Variants in KCNH7 observed in about 807,000 individuals in gnomAD.
The protein encoded by KCNH7 is potassium voltage-gated channel subfamily H member 7.
A neutral mutation model predicts 120.8 loss-of-function variants in KCNH7; 49 were observed. That is an observed-to-expected ratio of 0.41 (90% CI 0.32 to 0.51). The LOEUF (loss-of-function observed/expected upper bound fraction) is 0.51, where lower values mean the gene tolerates loss of function less well. Among genes scored for constraint, KCNH7 ranks in the 20% least tolerant of loss-of-function variants. The probability of loss-of-function intolerance (pLI) is 0.38; values close to 1 mark genes in which losing one functional copy is unlikely to be tolerated. For missense variants in KCNH7, 1,097 were observed against 1,446.6 expected, an observed-to-expected ratio of 0.76 and a Z score of 3.92; for synonymous variants, 547 against 516.1, an observed-to-expected ratio of 1.06 and a Z score of -0.81.
At chr2:162,667,146 A>T (rs2105288963) in intron 2 of KCNH7, among the ~76,000 whole-genome samples, 1 of 151,126 alleles carries the variant, frequency 6.6e-6, no homozygotes, top group South Asian at 2.1e-4. Context: ...CAGCCTCCTG[A>T]GTAGCTGGGA....
chr2:162,570,499 G>A (rs1693430384), intron 2 of KCNH7, among the ~76,000 whole-genome samples: 1 of 152,028 alleles, frequency 6.6e-6, no homozygotes, highest in African/African-American at 2.4e-5. Flanking sequence ...GCCAGTCTGT[G>A]TCTTTTAATT....
At chr2:162,565,552 G>A (rs1027752710) in intron 2 of KCNH7, among the ~76,000 whole-genome samples, 1 of 151,964 alleles carries the variant, frequency 6.6e-6, no homozygotes, top group South Asian at 2.1e-4. Flanking sequence ...TTATTTTTCT[G>A]TATGAAAGAT....
intron 2 of KCNH7, among the ~76,000 whole-genome samples, chr2:162,554,346 C>T (rs1692784458): frequency 6.6e-6 from 1 of 152,102 alleles, no homozygotes; most frequent in Non-Finnish European, 1.5e-5. Flanking sequence ...ATATAAACCA[C>T]AAACTCCATC....
At chr2:162,415,018 G>A (rs1687498657) in intron 9 of KCNH7, among the ~76,000 whole-genome samples, 1 of 151,826 alleles carries the variant, frequency 6.6e-6, no homozygotes, top group Admixed American at 6.6e-5. Flanking sequence ...CCATATGCTG[G>A]ATACCATAAA....
At chr2:162,749,366 G>A (rs560957009) in intron 2 of KCNH7, among the ~76,000 whole-genome samples, 6 of 152,008 alleles carry the variant, frequency 3.9e-5, no homozygotes, top group South Asian at 4.2e-4. Flanking sequence ...TTTCTGGAGC[G>A]CAAATTAAAT....
intron 2 of KCNH7, among the ~76,000 whole-genome samples, chr2:162,829,737 G>A (rs897269848): frequency 6.7e-6 from 1 of 150,236 alleles, no homozygotes; most frequent in Admixed American, 6.7e-5. Flanking sequence ...ATAAAATTAT[G>A]GTAAAAATTG....
chr2:162,631,545 T>G lies in KCNH7; in HGVS notation c.308-94465A>C, dbSNP rs139206780. Among the ~76,000 whole-genome samples, 477 of 152,216 alleles carry G rather than the reference T, an allele frequency of 3.1e-3. 1 individual carries two copies. The highest frequency in any genetic ancestry group is 0.011 in the African/African-American group (457 of 41,556). ...CTTAATTTTAACTTATAAGATTTTG[T>G]TTAAAATATTGAATTACAGAAAAAT... On this transcript the variant is annotated intron_variant, in intron 2 of 15. Coordinates refer to ENST00000332142, the MANE Select transcript of KCNH7 (RefSeq NM_033272.4).
At chr2:162,515,224 T>A (rs920985461) in intron 4 of KCNH7, among the ~76,000 whole-genome samples, 3 of 151,726 alleles carry the variant, frequency 2.0e-5, no homozygotes, top group Admixed American at 6.6e-5. Context: ...ACAGCTTACT[T>A]TGGGTGAGGG....
chr2:162,783,396 A>G (rs1232811573), intron 2 of KCNH7, among the ~76,000 whole-genome samples: 3 of 152,324 alleles, frequency 2.0e-5, no homozygotes, highest in Admixed American at 2.0e-4. Context: ...AACATTTGAT[A>G]AACTTGGAAA....
chr2:162,570,213 C>T (rs1693417052), intron 2 of KCNH7, among the ~76,000 whole-genome samples: 1 of 148,780 alleles, frequency 6.7e-6, no homozygotes. Flanking sequence ...TCTAGGTGCT[C>T]CTGTATTGGG....
At chr2:162,515,603 A>C (rs1415644536) in intron 4 of KCNH7, among the ~76,000 whole-genome samples, 1 of 151,742 alleles carries the variant, frequency 6.6e-6, no homozygotes, top group Non-Finnish European at 1.5e-5. Context: ...AAACTCACTA[A>C]AACATATGCT....
intron 2 of KCNH7, among the ~76,000 whole-genome samples, chr2:162,668,864 T>C (rs1168722716): frequency 6.6e-6 from 1 of 152,202 alleles, no homozygotes; most frequent in Non-Finnish European, 1.5e-5. Flanking sequence ...ATTTAGAAAC[T>C]TTAAAATGGC....
At chr2:162,516,032 G>A (rs906154631) in intron 4 of KCNH7, among the ~76,000 whole-genome samples, 3 of 151,680 alleles carry the variant, frequency 2.0e-5, no homozygotes, top group African/African-American at 7.3e-5. Context: ...TGATCTGCAT[G>A]ATTTTGAAAC....
chr2:162,799,308 T>A (rs1399400282), intron 2 of KCNH7, among the ~76,000 whole-genome samples: 1 of 151,980 alleles, frequency 6.6e-6, no homozygotes, highest in Non-Finnish European at 1.5e-5. Context: ...TTTTTCTCCC[T>A]AAATTTTCTA....
intron 2 of KCNH7, among the ~76,000 whole-genome samples, chr2:162,675,650 T>C (rs1685509620): frequency 6.6e-6 from 1 of 151,496 alleles, no homozygotes; most frequent in Admixed American, 6.6e-5. Context: ...ACCACTGATA[T>C]GTAATTCAAA....
At chr2:162,793,086 T>C (rs1573892444) in intron 2 of KCNH7, among the ~76,000 whole-genome samples, 2 of 152,028 alleles carry the variant, frequency 1.3e-5, no homozygotes, top group Non-Finnish European at 1.5e-5. Flanking sequence ...CCCAATGTGG[T>C]ACATATACAC....
chr2:162,786,091 A>T (rs1007790221), intron 2 of KCNH7, among the ~76,000 whole-genome samples: 10 of 151,944 alleles, frequency 6.6e-5, no homozygotes, highest in Non-Finnish European at 1.2e-4. Flanking sequence ...AAATGCAAAA[A>T]AATCACCTGA....
chr2:162,598,915 A>C (rs1043336050), intron 2 of KCNH7, among the ~76,000 whole-genome samples: 2 of 152,084 alleles, frequency 1.3e-5, no homozygotes, highest in African/African-American at 4.8e-5. Flanking sequence ...AAAATATTAT[A>C]ATTTCATAAT....
At chr2:162,710,978 T>A (rs1258052225) in intron 2 of KCNH7, among the ~76,000 whole-genome samples, 1 of 152,210 alleles carries the variant, frequency 6.6e-6, no homozygotes, top group Non-Finnish European at 1.5e-5. Context: ...CTCTTCAATG[T>A]CACTTCAACT....
Sources: allele counts gnomAD v4.1 joint callset (sites outside exome capture counted in the v4.1 genomes callset), GRCh38; gene constraint gnomAD v4.1.1; transcripts MANE v1.5; gene names NCBI Gene and HGNC (gene_info 2026-07-23, HGNC 2026-07-21).